Variants in PTPRR observed in about 807,000 individuals in gnomAD.
PTPRR encodes the protein protein tyrosine phosphatase receptor type R, also known as receptor-type tyrosine-protein phosphatase R.
A neutral mutation model predicts 77.2 loss-of-function variants in PTPRR; 38 were observed. That is an observed-to-expected ratio of 0.49 (90% CI 0.38 to 0.65). PTPRR has a LOEUF of 0.65. Among genes scored for constraint, PTPRR ranks in the 30% least tolerant of loss-of-function variants. The pLI is 0.00. For synonymous variants in PTPRR, 299 were observed against 283.1 expected (o/e 1.06, Z -0.57); for missense variants, 744 against 799.2 (o/e 0.93, Z 0.83).
intron 2 of PTPRR, among the ~76,000 whole-genome samples, chr12:70,777,405 G>GA (rs1185153734): frequency 6.6e-6 from 1 of 151,856 alleles, no homozygotes; most frequent in African/African-American, 2.4e-5. Context: ...AATAAGGCAT[G>GA]AAAATATATT....
chr12:70,884,871 C>CAAAAAAAAAAAAAAAAA (rs529547383), intron 2 of PTPRR, among the ~76,000 whole-genome samples: 16 of 53,934 alleles, frequency 3.0e-4, no homozygotes, highest in African/African-American at 1.2e-3. Context: ...AACTCTGTCT[C>CAAAAAAAAAAAAAAAAA]AAAAAAAAAA....
rs557917597 is a variant in PTPRR at position 70,768,387 on chromosome 12, G to A, written c.358-3609C>T. 1.3e-3 allele frequency among the ~76,000 whole-genome samples: 199 copies of A among 152,260 alleles called. 1 individual carries two copies. The highest frequency in any genetic ancestry group is 4.5e-3 in the African/African-American group (187 of 41,550). ...CAGAGAATACTACAAACACCTCTAC[G>A]CAAATAAACTAGAAAATCTAGAAGA... is the stretch of plus-strand genomic sequence containing the variant. On this transcript the variant is annotated intron_variant, in intron 2 of 13. Coordinates refer to ENST00000283228, the MANE Select transcript of PTPRR (RefSeq NM_002849.4).
intron 13 of PTPRR, among the ~76,000 whole-genome samples, chr12:70,655,638 CACAA>C (rs1886547721): frequency 6.6e-6 from 1 of 152,162 alleles, no homozygotes; most frequent in Admixed American, 6.5e-5. Flanking sequence ...ATAAGCCAGC[CACAA>C]ACAGACAAAT....
intron 2 of PTPRR, among the ~76,000 whole-genome samples, chr12:70,811,829 A>G (rs1224730813): frequency 1.3e-5 from 2 of 152,230 alleles, no homozygotes; most frequent in South Asian, 4.1e-4. Flanking sequence ...CAGTGGACAT[A>G]AGGCCCAATT....
intron 6 of PTPRR, among the ~76,000 whole-genome samples, chr12:70,708,083 G>A (rs1888683986): frequency 6.6e-6 from 1 of 151,990 alleles, no homozygotes; most frequent in African/African-American, 2.4e-5. Flanking sequence ...AATGCCAGGG[G>A]CTCTTTCCTC....
chr12:70,877,294 C>G (rs547396114), intron 2 of PTPRR, among the ~76,000 whole-genome samples: 7 of 152,148 alleles, frequency 4.6e-5, no homozygotes, highest in Non-Finnish European at 7.3e-5. Flanking sequence ...AAGCCCATTA[C>G]ACTTCTAAGA....
chr12:70,656,655 G>C (rs748406203), intron 13 of PTPRR, 49 bp downstream of exon 13: 3 of 1,294,388 alleles, frequency 2.3e-6, no homozygotes, highest in Admixed American at 3.4e-5. Flanking sequence ...GATGAGATCA[G>C]GCTGTGAATG....
intron 2 of PTPRR, among the ~76,000 whole-genome samples, chr12:70,856,711 G>A (rs917474796): frequency 6.6e-6 from 1 of 151,414 alleles, no homozygotes; most frequent in Non-Finnish European, 1.5e-5. Context: ...TATTGCAATT[G>A]CAGTTATGAT....
Position 70,795,913 on chromosome 12 carries a change from A to T in PTPRR, c.358-31135T>A, listed in dbSNP as rs1313307531. On this transcript the variant is annotated intron_variant, in intron 2 of 13. Coordinates refer to ENST00000283228, the MANE Select transcript of PTPRR (RefSeq NM_002849.4). ...TATATGTTCAAAATGTATTTAGTAGATTTTTTTTTTTTTTTTTTTTTTTTT... is the reference window on the plus strand; with the variant it reads ...TATATGTTCAAAATGTATTTAGTAGTTTTTTTTTTTTTTTTTTTTTTTTTT... 1.0e-4 allele frequency among the ~76,000 whole-genome samples: 9 copies of T among 88,378 alleles called. 1 individual carries two copies. The highest frequency in any genetic ancestry group is 7.8e-4 in the South Asian group (2 of 2,564). 58.0% of individuals were successfully genotyped at this position (88,378 alleles called of 152,430 possible). A position where few individuals can be genotyped will look rare whatever the true frequency, so the allele number is the denominator to read the frequency against.
chr12:70,800,215 T>C (rs1891588594), intron 2 of PTPRR, among the ~76,000 whole-genome samples: 1 of 151,670 alleles, frequency 6.6e-6, no homozygotes, highest in Non-Finnish European at 1.5e-5. Flanking sequence ...TCTTGAAATC[T>C]GTCTAAACCC....
chr12:70,657,955 C>T (rs960313545), intron 12 of PTPRR, among the ~76,000 whole-genome samples: 1 of 152,140 alleles, frequency 6.6e-6, no homozygotes, highest in East Asian at 1.9e-4. Context: ...TTGACAAATT[C>T]GCACAGCTGC....
At chr12:70,861,406 C>A (rs760707136) in intron 2 of PTPRR, among the ~76,000 whole-genome samples, 2 of 152,104 alleles carry the variant, frequency 1.3e-5, no homozygotes, top group African/African-American at 4.8e-5. Context: ...AATCCCCAAA[C>A]GCTTTTGTTA....
chr12:70,908,675 G>T (rs1028440758), intron 1 of PTPRR, among the ~76,000 whole-genome samples: 3 of 152,150 alleles, frequency 2.0e-5, no homozygotes, highest in Non-Finnish European at 4.4e-5. Context: ...CCGTATCAAT[G>T]GGGAAAGAGG....
chr12:70,798,526 A>G (rs1592763505), intron 2 of PTPRR, among the ~76,000 whole-genome samples: 1 of 152,292 alleles, frequency 6.6e-6, no homozygotes, highest in African/African-American at 2.4e-5. Context: ...AGCCCTGCAT[A>G]TCTAAGTCTC....
At chr12:70,866,433 A>G (rs1892850539) in intron 2 of PTPRR, among the ~76,000 whole-genome samples, 1 of 152,172 alleles carries the variant, frequency 6.6e-6, no homozygotes, top group African/African-American at 2.4e-5. Flanking sequence ...AAAATCTAGA[A>G]GAAATGGATA....
At chr12:70,774,288 C>T (rs770281914) in intron 2 of PTPRR, among the ~76,000 whole-genome samples, 1 of 152,164 alleles carries the variant, frequency 6.6e-6, no homozygotes, top group Non-Finnish European at 1.5e-5. Flanking sequence ...TGCTGGGAAC[C>T]CACAAGCCCC....
chr12:70,732,554 A>AT lies in PTPRR; in HGVS notation c.1007+13263dup, dbSNP rs1033987263. Among the ~76,000 whole-genome samples, 122 of 149,054 alleles carry AT rather than the reference A, an allele frequency of 8.2e-4. 3 individuals carry two copies. The highest frequency in any genetic ancestry group is 5.5e-3 in the East Asian group (28 of 5,090). The stretch of plus-strand genomic sequence containing the variant: ...AAGGGCGAGGTGGTGGTGAGCATCC[A>AT]TTTTTTTTTTGTTTGTTTTCCTCCG... On this transcript the variant is annotated intron_variant, in intron 6 of 13. Transcript: ENST00000283228.
chr12:70,911,750 GA>G lies in PTPRR; in HGVS notation c.58+8582del, dbSNP rs35226592. 2.2e-3 allele frequency among the ~76,000 whole-genome samples: 237 copies of G among 105,778 alleles called. 1 individual carries two copies. The highest frequency in any genetic ancestry group is 0.016 in the Middle Eastern group (3 of 182). The allele number at this position is 105,778 out of a possible 152,430, so 69.4% of individuals were successfully genotyped here. ...AAAACTATCAAGAAAAGGCTCAACT[GA>G]AAAAAAAAAAAAAAAACCACTCAGA... On this transcript the variant is annotated intron_variant, in intron 1 of 13. Transcript: ENST00000283228.
chr12:70,913,991 A>G (rs778314495), intron 1 of PTPRR, among the ~76,000 whole-genome samples: 3 of 152,174 alleles, frequency 2.0e-5, no homozygotes, highest in Non-Finnish European at 4.4e-5. Flanking sequence ...GGTTAAGTAC[A>G]TTGACAGGGG....
Sources: allele counts gnomAD v4.1 joint callset (sites outside exome capture counted in the v4.1 genomes callset), GRCh38; gene constraint gnomAD v4.1.1; transcripts MANE v1.5; gene names NCBI Gene and HGNC (gene_info 2026-07-23, HGNC 2026-07-21).